The following SLC2A9 variants were observed in gnomAD, a reference collection of about 807,000 sequenced individuals.
SLC2A9 encodes solute carrier family 2 member 9.
SLC2A9 carries 39 observed loss-of-function variants against 50.6 expected under a neutral mutation model. That is an observed-to-expected ratio of 0.77 (90% CI 0.60 to 1.01). SLC2A9 has a LOEUF of 1.01. Among genes scored for constraint, SLC2A9 ranks in the 50% least tolerant of loss-of-function variants. SLC2A9 has a pLI of 0.00. For synonymous variants in SLC2A9, 324 were observed against 276.9 expected (o/e 1.17, Z -1.69); for missense variants, 686 against 677.6 (o/e 1.01, Z -0.14).
At chr4:10,029,538 A>AT (rs1763862995) in intron 1 of SLC2A9, among the ~76,000 whole-genome samples, 1 of 116,230 alleles carries the variant, frequency 8.6e-6, no homozygotes, top group Non-Finnish European at 1.8e-5. Flanking sequence ...GGACAAGAGG[A>AT]ATTTTTTAAA....
chr4:9,935,801 C>A (rs1746962250), intron 6 of SLC2A9, among the ~76,000 whole-genome samples: 1 of 152,226 alleles, frequency 6.6e-6, no homozygotes, highest in South Asian at 2.1e-4. Context: ...GTCCCAGGAC[C>A]TCACGCTGGG....
chr4:9,798,690 G>C (rs1182123920), downstream of SLC2A9: 1 of 152,168 alleles, frequency 6.6e-6, no homozygotes, highest in African/African-American at 2.4e-5. Context: ...TTCTAGTCCA[G>C]CAGTCCCGTG....
In SLC2A9 at chr4:10,033,508, G is replaced by A. The variant is rs973015135; in HGVS notation, c.-41+6622C>T. ...CCAGAAATCATCTGGATGAGGAACA[G>A]TGTTTTATAAACACTGGACTAAGAT... On this transcript the variant is annotated intron_variant, in intron 1 of 12. Coordinates refer to the SLC2A9 transcript ENST00000309065. 3.9e-5 allele frequency among the ~76,000 whole-genome samples: 6 copies of A among 152,306 alleles called. No homozygotes were observed. The South Asian group carries it at 1.2e-3, about 32-fold the overall frequency.
In SLC2A9 at chr4:9,792,163, C is replaced by CTTTTTTTT. The variant is rs34289788; in HGVS notation, n.386-12106_386-12099dup. On this transcript the variant is annotated intron_variant and non_coding_transcript_variant, in intron 3 of 3. Coordinates refer to the SLC2A9 transcript ENST00000503803. Reference sequence around the variant, plus strand: ...AGGAGATGTTTTCTATTCTATGTTTCTTTTTTTTTTTTTTTTTTTTTTTGT... The same window carrying CTTTTTTTT: ...AGGAGATGTTTTCTATTCTATGTTTCTTTTTTTTTTTTTTTTTTTTTTTTTTTTTTTGT... Among the ~76,000 whole-genome samples the CTTTTTTTT allele has an allele frequency of 7.5e-4, 58 of 77,206 alleles. 1 individual carries two copies. Among genetic ancestry groups the CTTTTTTTT allele is most frequent in the South Asian group, 1.2e-3 (2 of 1,720 alleles). 50.7% of individuals were successfully genotyped at this position (77,206 alleles called of 152,430 possible).
intron 2 of SLC2A9, among the ~76,000 whole-genome samples, chr4:10,011,996 A>G (rs1242588776): frequency 2.0e-5 from 3 of 152,186 alleles, no homozygotes; most frequent in African/African-American, 4.8e-5. Context: ...ACCCTAGACC[A>G]CCATCTGTTT....
intron 5 of SLC2A9, among the ~76,000 whole-genome samples, chr4:9,977,747 G>A (rs1037856881): frequency 6.6e-6 from 1 of 151,982 alleles, no homozygotes; most frequent in African/African-American, 2.4e-5. Context: ...AACCACCCCC[G>A]ATGCCCTACC....
At chr4:9,859,052 C>T (rs1450969592) in intron 10 of SLC2A9, among the ~76,000 whole-genome samples, 1 of 152,200 alleles carries the variant, frequency 6.6e-6, no homozygotes, top group Non-Finnish European at 1.5e-5. Flanking sequence ...TCTTTGGCCA[C>T]TGACTGAAGG....
intron 1 of SLC2A9, among the ~76,000 whole-genome samples, chr4:10,029,667 A>C (rs986478961): frequency 1.3e-5 from 2 of 150,918 alleles, no homozygotes; most frequent in African/African-American, 2.4e-5. Context: ...CCCAGGCTGG[A>C]GTGCAATGGC....
intron 9 of SLC2A9, among the ~76,000 whole-genome samples, 193 bp from the exon 10 acceptor site, chr4:9,887,835 A>G (rs1736577704): frequency 6.6e-6 from 1 of 152,206 alleles, no homozygotes; most frequent in Non-Finnish European, 1.5e-5. Flanking sequence ...CTTATTTTAT[A>G]GCCATGATGA....
chr4:10,003,154 C>T (rs74915949), intron 2 of SLC2A9, among the ~76,000 whole-genome samples: 10,295 of 152,220 alleles, frequency 0.068, 691 homozygotes, highest in African/African-American at 0.17. Flanking sequence ...AACAGGAGAC[C>T]TCCACATGTG....
intron 3 of SLC2A9, among the ~76,000 whole-genome samples, chr4:9,820,515 T>C (rs115511917): frequency 0.037 from 5,646 of 152,350 alleles, 336 homozygotes; most frequent in African/African-American, 0.13. Context: ...GGTAAATCTA[T>C]AGATAAATGG....
intron 7 of SLC2A9, 140 bp downstream of exon 7, chr4:9,920,245 A>G: frequency 1.2e-6 from 1 of 841,914 alleles, no homozygotes; most frequent in Non-Finnish European, 1.9e-6. Context: ...GTCAAGTTAC[A>G]TGGTTACCTA....
chr4:9,961,233 A>G (rs1457811918), intron 5 of SLC2A9, among the ~76,000 whole-genome samples: 1 of 152,160 alleles, frequency 6.6e-6, no homozygotes, highest in Non-Finnish European at 1.5e-5. Flanking sequence ...GCACAGTGCT[A>G]GAAAGATGTT....
chr4:9,918,438 C>T (rs938211379), intron 7 of SLC2A9, among the ~76,000 whole-genome samples: 1 of 152,146 alleles, frequency 6.6e-6, no homozygotes, highest in Admixed American at 6.5e-5. Flanking sequence ...AAGACTTGTC[C>T]CCATGGCTGC....
chr4:9,859,605 G>A lies in SLC2A9; in HGVS notation c.1292-24597C>T, dbSNP rs532657587. 3.3e-5 allele frequency among the ~76,000 whole-genome samples: 5 copies of A among 152,318 alleles called. No individual in the cohort carries two copies. In the South Asian group the frequency reaches 8.3e-4, roughly 25 times the overall value. On this transcript the variant is annotated intron_variant, in intron 10 of 11. Transcript: ENST00000264784. ...AAAACAGGAGATCCTGAGGGTGACA[G>A]AACAGGTGAAGTGAGGTCTGCTTTA...
At chr4:9,776,429 C>A (rs1340458301), downstream of SLC2A9, among the ~76,000 whole-genome samples, 1 of 151,958 alleles carries the variant, frequency 6.6e-6, no homozygotes, top group African/African-American at 2.4e-5. Context: ...CTGCCACTGC[C>A]CTGAGCCTCC....
intron 10 of SLC2A9, among the ~76,000 whole-genome samples, chr4:9,851,458 T>C (rs1394127692): frequency 6.6e-6 from 1 of 152,204 alleles, no homozygotes; most frequent in African/African-American, 2.4e-5. Flanking sequence ...TGTAGGATCA[T>C]CAGTCAACAC....
Position 9,908,364 on chromosome 4 carries a change from T to A in SLC2A9, c.1003-19A>T. On this transcript the variant is annotated intron_variant, in intron 7 of 11. Transcript: ENST00000264784. The stretch of plus-strand genomic sequence containing the variant: ...ACCAAATCTGTAATTCAGGAAAGAA[T>A]GAGCAGAGAGAATGGTCAGTGGAAG... 4 of 1,533,890 alleles carry A rather than the reference T, an allele frequency of 2.6e-6. No homozygotes were observed. The highest frequency in any genetic ancestry group is 3.6e-6 in the Non-Finnish European group (4 of 1,105,988).
intron 8 of SLC2A9, among the ~76,000 whole-genome samples, chr4:9,891,313 TC>T (rs1335842913): frequency 6.6e-6 from 1 of 152,148 alleles, no homozygotes; most frequent in Non-Finnish European, 1.5e-5. Flanking sequence ...GTGCCCCTTG[TC>T]CACTTGGTCA....
Sources: allele counts gnomAD v4.1 joint callset (sites outside exome capture counted in the v4.1 genomes callset), GRCh38; gene constraint gnomAD v4.1.1; transcripts MANE v1.5; gene names NCBI Gene and HGNC (gene_info 2026-07-23, HGNC 2026-07-21).